Variants in MBP observed in about 807,000 individuals in gnomAD.
MBP encodes Golli-MBP.
In MBP, 16 loss-of-function variants were observed where a neutral mutation model predicts 35.8. The observed-to-expected ratio is 0.45, with a 90% CI of 0.30 to 0.68. The LOEUF (loss-of-function observed/expected upper bound fraction) is 0.68. MBP is among the 30% of genes least tolerant of loss of function. The probability of loss-of-function intolerance (pLI) is 0.08; values close to 1 mark genes in which losing one functional copy is unlikely to be tolerated. For missense variants in MBP, 380 were observed against 404.7 expected (o/e 0.94, Z 0.52); for synonymous variants, 143 against 159.6 (o/e 0.90, Z 0.78).
chr18:76,988,799 T>A lies in MBP; in HGVS notation c.717+78A>T. 6.7e-7 allele frequency: 1 copy of A among 1,499,246 alleles called. No individual in the cohort carries two copies. The highest frequency in any genetic ancestry group is 9.1e-7 in the Non-Finnish European group (1 of 1,097,310). The allele number at this position is 1,499,246 out of a possible 1,614,324, so 92.9% of individuals were successfully genotyped here. On this transcript the variant is annotated intron_variant, in intron 6 of 8. Coordinates refer to ENST00000355994, the MANE Select transcript of MBP (RefSeq NM_001025101.2). This position sits in a 1 kb window ranked among gnomAD's most constrained non-coding sequence, Gnocchi z 5.2. ...ATTCTGGTAGCTCGGAGCCTAACTC[T>A]CTCTTTGGTACATTATGGGATTTTA...
intron 3 of MBP, among the ~76,000 whole-genome samples, chr18:77,023,479 C>T (rs933817750): frequency 4.3e-4 from 65 of 152,192 alleles, no homozygotes; most frequent in African/African-American, 1.4e-3. Context: ...GCTCTCACTG[C>T]GACATCGTGG....
At position 77,049,961 on chromosome 18, in the gene MBP, T is replaced by C. The variant is rs552529390; in HGVS notation, c.139+16337A>G. ...TCCCAAAGTGCTAGGATTACAGGCG[T>C]GAGCCACTGCACTCACCCCTAATGA... On this transcript the variant is annotated intron_variant, in intron 3 of 8. Coordinates refer to ENST00000355994, the MANE Select transcript of MBP (RefSeq NM_001025101.2). 1.2e-3 allele frequency among the ~76,000 whole-genome samples: 183 copies of C among 152,324 alleles called. 1 individual carries two copies. Among genetic ancestry groups the C allele is most frequent in the African/African-American group, 4.2e-3 (174 of 41,570 alleles).
chr18:77,084,972 G>C (rs1295256394), intron 2 of MBP, among the ~76,000 whole-genome samples: 1 of 151,916 alleles, frequency 6.6e-6, no homozygotes, highest in African/African-American at 2.4e-5. Context: ...GAGAGAGAGA[G>C]AGAGAGAGAG....
At chr18:77,038,056 A>T (rs895425880) in intron 3 of MBP, among the ~76,000 whole-genome samples, 1 of 152,258 alleles carries the variant, frequency 6.6e-6, no homozygotes, top group Non-Finnish European at 1.5e-5. Context: ...GACTTCAGTC[A>T]GTTCCAGGGC....
intron 2 of MBP, among the ~76,000 whole-genome samples, chr18:77,089,401 A>C (rs553114283): frequency 6.6e-6 from 1 of 152,364 alleles, no homozygotes; most frequent in African/African-American, 2.4e-5. Context: ...AGGAGAGAAG[A>C]CAGAGAGCTA....
chr18:77,046,642 G>A (rs1032976001), intron 3 of MBP, among the ~76,000 whole-genome samples: 2 of 152,234 alleles, frequency 1.3e-5, no homozygotes, highest in African/African-American at 4.8e-5. Context: ...AGATGTGCCT[G>A]GGGAGGCTGG....
chr18:77,017,195 C>T lies in MBP; in HGVS notation c.213G>A (p.Ala71=), dbSNP rs769001269. ...DTAVTDSKRT[A]DPKNAWQDAH... is the part of the protein sequence containing the mutation. The stretch of plus-strand genomic sequence containing the variant: ...CATCCTGCCAGGCATTCTTCGGGTC[C>T]GCTGTGCGCTTGGAGTCAGTCACCG... Residue 71 remains alanine, a synonymous_variant, in exon 4 of 9, where the codon GCG becomes GCA. Coordinates refer to ENST00000355994, the MANE Select transcript of MBP (RefSeq NM_001025101.2). The T allele has an allele frequency of 5.9e-6, 9 of 1,534,280 alleles. No individual in the cohort carries two copies. The highest frequency in any genetic ancestry group is 4.2e-5 in the Admixed American group (2 of 47,962).
rs536956095 is a variant in MBP at position 77,019,411 on chromosome 18, G to A, written c.140-2143C>T. 6.6e-5 allele frequency among the ~76,000 whole-genome samples: 10 copies of A among 152,308 alleles called. 1 individual carries two copies. In the East Asian group the frequency reaches 1.5e-3, roughly 23 times the overall value. ...TTGGACACAGCCACAGATGCACAGGGGAGAGGTGTGAAGATGGAGGAGGAG... is the reference window on the plus strand; with the variant it reads ...TTGGACACAGCCACAGATGCACAGGAGAGAGGTGTGAAGATGGAGGAGGAG... On this transcript the variant is annotated intron_variant, in intron 3 of 8. Transcript: ENST00000355994.
chr18:76,992,193 G>A (rs1483656397), intron 4 of MBP, among the ~76,000 whole-genome samples: 1 of 152,212 alleles, frequency 6.6e-6, no homozygotes, highest in Admixed American at 6.5e-5. Context: ...TTTTGTGGAA[G>A]ACAGTTTTTC....
chr18:77,045,365 T>TTTGCATGCGTCTCTGGAC (rs1973196070), intron 3 of MBP, among the ~76,000 whole-genome samples: 1 of 133,862 alleles, frequency 7.5e-6, no homozygotes, highest in Non-Finnish European at 1.7e-5. Context: ...CATCTCCGAA[T>TTTGCATGCGTCTCTGGAC]TGACCCGCTG....
intron 1 of MBP, among the ~76,000 whole-genome samples, chr18:77,124,253 T>C (rs182792360): frequency 1.4e-3 from 218 of 152,352 alleles, no homozygotes; most frequent in African/African-American, 4.9e-3. Context: ...TTATACATTG[T>C]ATATGTGGTC....
intron 1 of MBP, among the ~76,000 whole-genome samples, chr18:77,105,632 CACAG>C (rs756979298): frequency 6.6e-6 from 1 of 152,194 alleles, no homozygotes; most frequent in African/African-American, 2.4e-5. Context: ...TATGTACACA[CACAG>C]AGAATTATAT....
intron 3 of MBP, among the ~76,000 whole-genome samples, chr18:77,064,028 A>C (rs931838336): frequency 6.6e-6 from 1 of 152,234 alleles, no homozygotes. Flanking sequence ...TTAAAAAAAC[A>C]GTAGGCTTAG....
intron 1 of MBP, among the ~76,000 whole-genome samples, chr18:77,124,120 G>A (rs1382510417): frequency 6.6e-6 from 1 of 152,116 alleles, no homozygotes; most frequent in Non-Finnish European, 1.5e-5. Context: ...AAGACGGGCC[G>A]CAACACCAGC....
intron 1 of MBP, among the ~76,000 whole-genome samples, chr18:77,120,214 A>G (rs1029344362): frequency 2.6e-5 from 4 of 152,240 alleles, no homozygotes; most frequent in African/African-American, 9.6e-5. Flanking sequence ...CAGGGAACAC[A>G]CGCTCCCGTA....
At chr18:77,039,574 C>T (rs1972902338) in intron 3 of MBP, among the ~76,000 whole-genome samples, 1 of 152,074 alleles carries the variant, frequency 6.6e-6, no homozygotes, top group Admixed American at 6.5e-5. Context: ...AATTCATACC[C>T]AAGGGCCACC....
rs140602815 is a variant in MBP, at chr18:77,021,482, C to CTT, written c.140-4216_140-4215dup. ...TAAAACAATGCCTGTGAAGATGCAC[C>CTT]TTTTTTTTTTTTTTTTTTTGAGATG... is the stretch of plus-strand genomic sequence containing the variant. On this transcript the variant is annotated intron_variant, in intron 3 of 8. Coordinates refer to ENST00000355994, the MANE Select transcript of MBP (RefSeq NM_001025101.2). Among the ~76,000 whole-genome samples, 226 of 122,132 alleles carry CTT rather than the reference C, an allele frequency of 1.9e-3. 6 individuals are homozygous for CTT. Among genetic ancestry groups the CTT allele is most frequent in the African/African-American group, 5.3e-3 (164 of 30,988 alleles). 80.1% of individuals were successfully genotyped at this position (122,132 alleles called of 152,430 possible). A position where few individuals can be genotyped will look rare whatever the true frequency, so the allele number is the denominator to read the frequency against.
intron 1 of MBP, among the ~76,000 whole-genome samples, chr18:77,118,407 G>A (rs1024312186): frequency 6.6e-6 from 1 of 152,004 alleles, no homozygotes; most frequent in Admixed American, 6.5e-5. Context: ...GGCCTGTTCA[G>A]GTTTTAGCAC....
In MBP at chr18:76,984,755, C is replaced by G; in HGVS notation, c.870+20G>C. ...AGCCCTTAGTCCCCGCTCAGTGGAG[C>G]TGAGCAGAGGGTACCTTACCAGCTT... On this transcript the variant is annotated intron_variant, in intron 8 of 8. Coordinates refer to ENST00000355994, the MANE Select transcript of MBP (RefSeq NM_001025101.2). 2 of 1,613,798 alleles carry G rather than the reference C, an allele frequency of 1.2e-6. No individual in the cohort carries two copies. Among genetic ancestry groups the G allele is most frequent in the Non-Finnish European group, 1.7e-6 (2 of 1,179,980 alleles).
Sources: gnomAD v4.1 joint callset for allele counts (sites outside exome capture counted in the v4.1 genomes callset) on GRCh38, gnomAD v4.1.1 for gene constraint, Gnocchi (gnomAD v3.1) non-coding constraint, MANE v1.5 for transcripts, NCBI Gene and HGNC (gene_info 2026-07-23, HGNC 2026-07-21) for gene names.